UNC5D: variants seen among roughly 807,000 people sequenced by gnomAD.
UNC5D encodes the protein unc-5 netrin receptor D.
A neutral mutation model predicts 105.4 loss-of-function variants in UNC5D; 39 were observed. The ratio of observed to expected loss-of-function variants is 0.37; its 90% CI spans 0.29 to 0.48. The LOEUF is 0.48. UNC5D is among the 20% of genes least tolerant of loss of function. UNC5D has a pLI of 0.98. For synonymous variants in UNC5D, 452 were observed against 450.4 expected (o/e 1.00, Z -0.04); for missense variants, 991 against 1,202.4 (o/e 0.82, Z 2.60).
At chr8:35,356,403 C>G (rs1358077804) in intron 1 of UNC5D, among the ~76,000 whole-genome samples, 1 of 152,130 alleles carries the variant, frequency 6.6e-6, no homozygotes, top group Non-Finnish European at 1.5e-5. Flanking sequence ...CTGGGTAGTA[C>G]TGAACCCTGT....
intron 1 of UNC5D, among the ~76,000 whole-genome samples, chr8:35,454,223 G>C (rs569822835): frequency 6.6e-6 from 1 of 152,106 alleles, no homozygotes; most frequent in Admixed American, 6.6e-5. Context: ...TTAGCTGGGG[G>C]AGGGGGAAGT....
intron 1 of UNC5D, among the ~76,000 whole-genome samples, chr8:35,317,435 G>C (rs994325086): frequency 6.6e-6 from 1 of 152,130 alleles, no homozygotes; most frequent in African/African-American, 2.4e-5. Flanking sequence ...ATCTTAGTAA[G>C]TTTGTTATTG....
intron 4 of UNC5D, among the ~76,000 whole-genome samples, chr8:35,647,540 G>A (rs1563628061): frequency 6.6e-6 from 1 of 152,094 alleles, no homozygotes. Flanking sequence ...TTAGGGAATA[G>A]GAGCTATGCA....
chr8:35,602,505 A>G (rs532756625), intron 4 of UNC5D, among the ~76,000 whole-genome samples: 3 of 152,194 alleles, frequency 2.0e-5, no homozygotes, highest in Admixed American at 2.0e-4. Flanking sequence ...CAGAGATTCA[A>G]CTTCTTCCTG....
At chr8:35,347,244 C>T (rs967125317) in intron 1 of UNC5D, among the ~76,000 whole-genome samples, 3 of 152,096 alleles carry the variant, frequency 2.0e-5, no homozygotes, top group African/African-American at 7.2e-5. Context: ...CAGACTCTGG[C>T]TCCATGAGCC....
At chr8:35,437,545 G>A (rs1378795370) in intron 1 of UNC5D, among the ~76,000 whole-genome samples, 1 of 152,002 alleles carries the variant, frequency 6.6e-6, no homozygotes, top group African/African-American at 2.4e-5. Context: ...TCCGTCCCAG[G>A]ATCAAGGCCA....
rs377502923 is a variant in UNC5D, at chr8:35,394,263, A to G, written c.104-155029A>G. ...AGCAAATAATTTATGAAAGCGATGC[A>G]ATGTCAATGAATATATACTGACATG... is the stretch of plus-strand genomic sequence containing the variant. On this transcript the variant is annotated intron_variant, in intron 1 of 16. Coordinates refer to ENST00000404895, the MANE Select transcript of UNC5D (RefSeq NM_080872.4). 3.6e-4 allele frequency among the ~76,000 whole-genome samples: 55 copies of G among 152,338 alleles called. No individual in the cohort carries two copies. In the South Asian group the frequency reaches 0.011, roughly 31 times the overall value.
intron 14 of UNC5D, among the ~76,000 whole-genome samples, chr8:35,764,599 C>T (rs771151640): frequency 5.3e-5 from 8 of 152,056 alleles, no homozygotes; most frequent in Non-Finnish European, 1.2e-4. Context: ...GCAGGAGGCC[C>T]CACAAATCAG....
At chr8:35,633,553 A>G (rs1285747222) in intron 4 of UNC5D, among the ~76,000 whole-genome samples, 1 of 151,896 alleles carries the variant, frequency 6.6e-6, no homozygotes, top group Non-Finnish European at 1.5e-5. Flanking sequence ...TTCAAGACCA[A>G]CCTGGGCAAC....
At chr8:35,711,352 G>A (rs190268210) in intron 8 of UNC5D, among the ~76,000 whole-genome samples, 211 of 152,036 alleles carry the variant, frequency 1.4e-3, no homozygotes, top group African/African-American at 4.8e-3. Context: ...GCTAATTTTT[G>A]TATTTTTAAT....
intron 1 of UNC5D, among the ~76,000 whole-genome samples, chr8:35,441,058 G>A (rs1807362159): frequency 6.6e-6 from 1 of 151,900 alleles, no homozygotes; most frequent in Non-Finnish European, 1.5e-5. Flanking sequence ...CTGTTGGTGT[G>A]ACTCCCCTCT....
At chr8:35,685,808 A>AT (rs112101362) in intron 6 of UNC5D, among the ~76,000 whole-genome samples, 4 of 152,030 alleles carry the variant, frequency 2.6e-5, no homozygotes, top group East Asian at 3.9e-4. Flanking sequence ...CAAGTTCAGT[A>AT]TTTTTTTTAT....
chr8:35,737,886 C>G (rs1829556073), intron 11 of UNC5D, among the ~76,000 whole-genome samples: 1 of 152,140 alleles, frequency 6.6e-6, no homozygotes, highest in Admixed American at 6.5e-5. Context: ...GTGGGTGGAT[C>G]ACCTGAGGTC....
chr8:35,291,981 C>T (rs183781655), intron 1 of UNC5D, among the ~76,000 whole-genome samples: 4 of 152,288 alleles, frequency 2.6e-5, no homozygotes, highest in Admixed American at 2.6e-4. Flanking sequence ...TGAACATTCA[C>T]CCGCTGGTTT....
At chr8:35,254,910 A>G (rs1803966816) in intron 1 of UNC5D, 1 of 152,234 alleles carries the variant, frequency 6.6e-6, no homozygotes, top group Non-Finnish European at 1.5e-5. Flanking sequence ...AAAAAATCAA[A>G]GAAGCAAAAA....
intron 16 of UNC5D, among the ~76,000 whole-genome samples, chr8:35,775,624 C>A (rs945519769): frequency 4.0e-5 from 6 of 151,656 alleles, no homozygotes; most frequent in Non-Finnish European, 8.8e-5. Context: ...TTCTTTCAGG[C>A]AAAACCTTAT....
At chr8:35,720,631 CAG>C (rs1197703943) in intron 8 of UNC5D, among the ~76,000 whole-genome samples, 1 of 152,134 alleles carries the variant, frequency 6.6e-6, no homozygotes, top group Non-Finnish European at 1.5e-5. Flanking sequence ...CCACACATGA[CAG>C]AGGCACACGT....
chr8:35,595,578 A>G lies in UNC5D; in HGVS notation c.491A>G (p.Asp164Gly). 1 of 1,614,060 alleles carries G rather than the reference A, an allele frequency of 6.2e-7. No homozygotes were observed. Among genetic ancestry groups the G allele is most frequent in the Non-Finnish European group, 8.5e-7 (1 of 1,179,980 alleles). The change falls in exon 4 of 17, where the codon GAC (aspartate) becomes GGC (glycine). Residue 164 changes from aspartate (D) to glycine (G), a missense_variant. By Grantham distance (94) the Asp-to-Gly change is moderately conservative. Transcript: ENST00000404895. ...IAYLRKNFEQ[D>G]PQGREVPIEG... is the part of the protein sequence containing the mutation. Reference sequence around the variant, plus strand: ...GATTTACGGAAAAACTTTGAACAAGACCCACAAGGAAGGGAAGTTCCCATT... The same window carrying G: ...GATTTACGGAAAAACTTTGAACAAGGCCCACAAGGAAGGGAAGTTCCCATT...
intron 1 of UNC5D, among the ~76,000 whole-genome samples, chr8:35,456,114 T>C (rs1808476103): frequency 6.6e-6 from 1 of 152,184 alleles, no homozygotes; most frequent in African/African-American, 2.4e-5. Flanking sequence ...AATCCATTTA[T>C]TAAAAGAGGT....
Sources: gnomAD v4.1 joint callset for allele counts (sites outside exome capture counted in the v4.1 genomes callset) on GRCh38, gnomAD v4.1.1 for gene constraint, MANE v1.5 for transcripts, NCBI Gene and HGNC (gene_info 2026-07-23, HGNC 2026-07-21) for gene names.